Variants in KANSL3 observed in about 807,000 individuals in gnomAD.
The protein encoded by KANSL3 is KAT8 regulatory NSL complex subunit 3.
KANSL3 carries 16 observed loss-of-function variants against 89.2 expected under a neutral mutation model. The observed-to-expected ratio is 0.18, with a 90% confidence interval of 0.12 to 0.27. The LOEUF (loss-of-function observed/expected upper bound fraction) is 0.27. KANSL3 is among the 10% of genes least tolerant of loss of function. The pLI is 1.00. For synonymous variants in KANSL3, 385 were observed against 419.7 expected, an observed-to-expected ratio of 0.92 and a Z score of 1.01; for missense variants, 879 against 1,110.6, an observed-to-expected ratio of 0.79 and a Z score of 2.96.
intron 20 of KANSL3, 71 bp from the exon 21 acceptor site, chr2:96,595,702 C>A: frequency 1.3e-6 from 2 of 1,495,810 alleles, no homozygotes; most frequent in Non-Finnish European, 1.8e-6. Context: ...ACCCTCTATC[C>A]CAATTATCCC....
At position 96,593,768 on chromosome 2, in the gene KANSL3, A is replaced by G. The variant is rs986621653; in HGVS notation, c.*1843T>C. 6.0e-6 allele frequency: 1 copy of G among 166,488 alleles called. No homozygotes were observed. The highest frequency in any genetic ancestry group is 2.4e-5 in the African/African-American group (1 of 41,864). The allele number at this position is 166,488 out of a possible 1,614,324, so 10.3% of individuals were successfully genotyped here. A position where few individuals can be genotyped will look rare whatever the true frequency, so the allele number is the denominator to read the frequency against. Reference sequence around the variant, plus strand: ...CTGTCTGTCCTAAATGATTCCTAAAAGCTTCATATAGCTCATATAGTCTTA... The same window carrying G: ...CTGTCTGTCCTAAATGATTCCTAAAGGCTTCATATAGCTCATATAGTCTTA... On this transcript the variant is annotated 3_prime_UTR_variant, in exon 21 of 21. Transcript: ENST00000431828.
chr2:96,630,851 T>A (rs1210685073), intron 3 of KANSL3, among the ~76,000 whole-genome samples: 2 of 152,126 alleles, frequency 1.3e-5, no homozygotes, highest in African/African-American at 4.8e-5. Context: ...AGCCTGCAAA[T>A]CTATTTTTAA....
chr2:96,591,340 G>C (rs911674047), downstream of KANSL3, among the ~76,000 whole-genome samples: 2 of 152,176 alleles, frequency 1.3e-5, no homozygotes, highest in African/African-American at 4.8e-5. Context: ...GGTGGGGAAG[G>C]AGATGGATGC....
In KANSL3 at chr2:96,604,316, C is replaced by A; in HGVS notation, c.2083G>T (p.Ala695Ser). ...PVPSVVSSST[A>S]PSALHTLQSR... ...TGCAGTGTGTGCAAGGCACTGGGTG[C>A]AGTGCTGCTGGAGACCACTGAAGGG... is the stretch of plus-strand genomic sequence containing the variant. Residue 695 changes from alanine (A) to serine (S), a missense_variant, in exon 17 of 21, where the codon GCA (alanine) becomes TCA (serine). By Grantham distance (99) the Ala-to-Ser change is moderately conservative (BLOSUM62 1). Transcript: ENST00000431828. 3.1e-6 allele frequency: 5 copies of A among 1,613,356 alleles called. No homozygotes were observed. Among genetic ancestry groups the A allele is most frequent in the Non-Finnish European group, 4.2e-6 (5 of 1,179,878 alleles).
At chr2:96,617,680 C>T (rs1422614626) in intron 5 of KANSL3, among the ~76,000 whole-genome samples, 2 of 151,840 alleles carry the variant, frequency 1.3e-5, no homozygotes, top group East Asian at 1.9e-4. Flanking sequence ...ATAGCAAGAC[C>T]GTCTCTACAA....
intron 20 of KANSL3, chr2:96,599,732 G>A (rs2066916245): frequency 5.1e-6 from 3 of 590,502 alleles, no homozygotes; most frequent in Non-Finnish European, 6.4e-6. Flanking sequence ...ATAATTCAAA[G>A]AGTATGACAA....
downstream of KANSL3, among the ~76,000 whole-genome samples, chr2:96,592,872 G>A (rs754674733): frequency 3.9e-5 from 6 of 151,956 alleles, no homozygotes; most frequent in African/African-American, 7.3e-5. Flanking sequence ...GCGTGGTGTC[G>A]GGCGCCTGTA....
intron 3 of KANSL3, among the ~76,000 whole-genome samples, chr2:96,623,294 T>A (rs1314122822): frequency 6.6e-6 from 1 of 152,214 alleles, no homozygotes; most frequent in African/African-American, 2.4e-5. Context: ...ATGATTTATG[T>A]CTTTCGCCAT....
the KANSL3 span, among the ~76,000 whole-genome samples, chr2:96,583,229 T>C: frequency 6.6e-6 from 1 of 152,214 alleles, no homozygotes; most frequent in Non-Finnish European, 1.5e-5. Flanking sequence ...CTCCAGCAGC[T>C]TATGGGAAGT....
At chr2:96,608,144 G>C (rs773998599) in intron 14 of KANSL3, among the ~76,000 whole-genome samples, 7 of 152,158 alleles carry the variant, frequency 4.6e-5, no homozygotes, top group Non-Finnish European at 8.8e-5. Context: ...CATGATGCCA[G>C]GTGAGTTACC....
Position 96,605,326 on chromosome 2 carries a change from G to A in KANSL3, c.1927C>T (p.Pro643Ser). Residue 643 changes from proline to serine, a missense_variant, in exon 15 of 21, where the codon CCA (proline) becomes TCA (serine). Around this residue, in one of 6 missense-constraint regions of KANSL3, gnomAD observed 317 missense variants for 311.2 expected, o/e 1.02. Transcript: ENST00000431828. ...CGTACCAAGAGAAACTCACCTTCTG[G>A]AGCACTTCCTTGGGAAGGAGCACAA... ...GPCAPSQGSA[P>S]EAAGGKPITM... 6.2e-7 allele frequency: 1 copy of A among 1,608,716 alleles called. No individual in the cohort carries two copies. The highest frequency in any genetic ancestry group is 8.5e-7 in the Non-Finnish European group (1 of 1,176,754).
At position 96,601,623 on chromosome 2, in the gene KANSL3, G is replaced by A. The variant is rs772557778; in HGVS notation, c.2616+20C>T. 3.7e-6 allele frequency: 6 copies of A among 1,611,932 alleles called. No homozygotes were observed. The highest frequency in any genetic ancestry group is 3.4e-6 in the Non-Finnish European group (4 of 1,179,182). Reference sequence around the variant, plus strand: ...CCCAATAATGAAGCCCATGTCCTCAGTCCTTCCTGGCAGACTCACCTGTGA... The same window carrying A: ...CCCAATAATGAAGCCCATGTCCTCAATCCTTCCTGGCAGACTCACCTGTGA... On this transcript the variant is annotated intron_variant, in intron 20 of 20. Transcript: ENST00000431828.
At chr2:96,604,953 T>G in intron 15 of KANSL3, 90 bp from the exon 16 acceptor site, 3 of 1,052,504 alleles carry the variant, frequency 2.9e-6, no homozygotes, top group Admixed American at 2.7e-5. Context: ...TGCAAGATAT[T>G]ACGGACGAAA....
At chr2:96,613,069 T>C (rs896692240) in intron 6 of KANSL3, 135 bp from the exon 7 acceptor site, 14 of 646,358 alleles carry the variant, frequency 2.2e-5, no homozygotes, top group Middle Eastern at 2.7e-4. Context: ...CTATGTAAAA[T>C]AAATTATTAA....
At position 96,604,788 on chromosome 2, in the gene KANSL3, G is replaced by A. The variant is rs1450529347; in HGVS notation, c.2009C>T (p.Thr670Ile). 2 of 1,595,308 alleles carry A rather than the reference G, an allele frequency of 1.3e-6. No homozygotes were observed. Among genetic ancestry groups the A allele is most frequent in the Non-Finnish European group, 8.5e-7 (1 of 1,170,760 alleles). Residue 670 changes from threonine (T) to isoleucine (I), a missense_variant, in exon 16 of 21, where the codon ACC (threonine) becomes ATC (isoleucine). Physicochemically the swap from Thr to Ile is moderately conservative, Grantham distance 89. Coordinates refer to ENST00000431828, the MANE Select transcript of KANSL3 (RefSeq NM_001115016.3). ...AGAKELTGLLTTAKSSSSEGG... is the reference protein window; with the variant it reads ...AGAKELTGLLITAKSSSSEGG... Reference sequence around the variant, plus strand: ...TCCAATAAACACTCACTTGGCTGTGGTGAGAAGTCCTGTGAGCTCCTTGGC... The same window carrying A: ...TCCAATAAACACTCACTTGGCTGTGATGAGAAGTCCTGTGAGCTCCTTGGC...
At chr2:96,602,655 A>C in intron 18 of KANSL3, 98 bp downstream of exon 18, 1 of 927,608 alleles carries the variant, frequency 1.1e-6, no homozygotes, top group Non-Finnish European at 1.6e-6. Flanking sequence ...TTTGTCCTTG[A>C]TCCACTGACT....
At chr2:96,585,317 A>C in the KANSL3 span, among the ~76,000 whole-genome samples, 1 of 152,220 alleles carries the variant, frequency 6.6e-6, no homozygotes, top group Admixed American at 6.5e-5. Context: ...AAAAAGGGCA[A>C]GGGACATTAC....
At chr2:96,617,850 G>T (rs2105750831) in intron 5 of KANSL3, among the ~76,000 whole-genome samples, 1 of 152,146 alleles carries the variant, frequency 6.6e-6, no homozygotes, top group East Asian at 1.9e-4. Flanking sequence ...GCTGGGCGGG[G>T]TGGCACACGC....
chr2:96,609,757 A>T (rs1429840483), intron 11 of KANSL3, among the ~76,000 whole-genome samples, 195 bp from the exon 12 acceptor site: 1 of 151,938 alleles, frequency 6.6e-6, no homozygotes, highest in African/African-American at 2.4e-5. Context: ...CATCCCATTC[A>T]TGGAGTTGTG....
Sources: allele counts gnomAD v4.1 joint callset (sites outside exome capture counted in the v4.1 genomes callset), GRCh38; gene constraint gnomAD v4.1.1; regional missense constraint gnomAD v4.1.1; transcripts MANE v1.5; gene names NCBI Gene and HGNC (gene_info 2026-07-23, HGNC 2026-07-21).